SLC25A21: variants seen among roughly 807,000 people sequenced by gnomAD.
The protein encoded by SLC25A21 is solute carrier family 25 member 21.
A neutral mutation model predicts 43.8 loss-of-function variants in SLC25A21; 47 were observed. The observed-to-expected ratio is 1.07, with a 90% CI of 0.85 to 1.37. SLC25A21 has a LOEUF of 1.37. Among genes scored for constraint, SLC25A21 ranks in the 40% most tolerant of loss-of-function variants. The pLI is 0.00. For missense variants in SLC25A21, 352 were observed against 350.2 expected (o/e 1.00, Z -0.04); for synonymous variants, 131 against 121.3 (o/e 1.08, Z -0.52).
chr14:37,165,735 C>A (rs1964019530), intron 1 of SLC25A21, among the ~76,000 whole-genome samples: 1 of 152,080 alleles, frequency 6.6e-6, no homozygotes, highest in Non-Finnish European at 1.5e-5. Flanking sequence ...AGGTTGGGTA[C>A]AAAATCCCTG....
At chr14:37,011,999 A>G (rs1218247291) in intron 1 of SLC25A21, among the ~76,000 whole-genome samples, 1 of 152,164 alleles carries the variant, frequency 6.6e-6, no homozygotes, top group South Asian at 2.1e-4. Context: ...AAGAGTTACA[A>G]TATATTGATG....
intron 3 of SLC25A21, among the ~76,000 whole-genome samples, chr14:36,745,541 T>C (rs1259044291): frequency 6.6e-6 from 1 of 152,182 alleles, no homozygotes; most frequent in East Asian, 1.9e-4. Context: ...CCATTCTAAC[T>C]GGCATGAGAT....
chr14:36,726,505 G>C (rs1264960874), intron 5 of SLC25A21, among the ~76,000 whole-genome samples: 2 of 152,082 alleles, frequency 1.3e-5, no homozygotes, highest in Non-Finnish European at 2.9e-5. Flanking sequence ...GAAATGACTA[G>C]GTTATTCTGA....
chr14:36,912,535 C>T (rs1412350301), intron 1 of SLC25A21, among the ~76,000 whole-genome samples: 1 of 152,180 alleles, frequency 6.6e-6, no homozygotes, highest in East Asian at 1.9e-4. Context: ...TATTGAAGAG[C>T]TAGTCTCATT....
At chr14:37,088,689 C>T (rs139046887) in intron 1 of SLC25A21, among the ~76,000 whole-genome samples, 171 of 152,344 alleles carry the variant, frequency 1.1e-3, no homozygotes, top group Non-Finnish European at 8.4e-4. Context: ...AACTGAAGGT[C>T]TCCTTAATAA....
intron 1 of SLC25A21, among the ~76,000 whole-genome samples, chr14:36,880,853 C>T (rs1024271988): frequency 2.0e-5 from 3 of 152,108 alleles, no homozygotes; most frequent in African/African-American, 7.2e-5. Context: ...CAATCAGCAT[C>T]TAATAGACTG....
chr14:37,136,541 C>G (rs926370990), intron 1 of SLC25A21, among the ~76,000 whole-genome samples: 1 of 152,030 alleles, frequency 6.6e-6, no homozygotes, highest in African/African-American at 2.4e-5. Flanking sequence ...AAATCATACT[C>G]CCAGGTATTC....
chr14:37,086,038 G>C (rs566909331), intron 1 of SLC25A21, among the ~76,000 whole-genome samples: 23 of 152,124 alleles, frequency 1.5e-4, no homozygotes, highest in Admixed American at 5.9e-4. Flanking sequence ...CCAGGAGGCG[G>C]AGCTTGCAGT....
intron 1 of SLC25A21, among the ~76,000 whole-genome samples, chr14:36,936,154 T>A (rs952119293): frequency 6.6e-6 from 1 of 152,270 alleles, no homozygotes; most frequent in African/African-American, 2.4e-5. Flanking sequence ...GAAACTTGCA[T>A]CTGCATTTCT....
intron 2 of SLC25A21, among the ~76,000 whole-genome samples, chr14:36,835,127 G>C (rs991255724): frequency 6.6e-6 from 1 of 152,192 alleles, no homozygotes; most frequent in Non-Finnish European, 1.5e-5. Context: ...ATTATTTCTA[G>C]ACTGAGCAGA....
chr14:36,875,389 A>G (rs1890491131), intron 1 of SLC25A21, among the ~76,000 whole-genome samples: 1 of 152,154 alleles, frequency 6.6e-6, no homozygotes, highest in Admixed American at 6.5e-5. Context: ...GGCTCTTTGA[A>G]TCTCTCCCAG....
At chr14:36,785,358 A>G (rs1212036275) in intron 3 of SLC25A21, among the ~76,000 whole-genome samples, 2 of 152,210 alleles carry the variant, frequency 1.3e-5, no homozygotes. Flanking sequence ...TGATGAATTC[A>G]TTGCCATGCA....
intron 1 of SLC25A21, among the ~76,000 whole-genome samples, chr14:37,033,566 G>A (rs757254308): frequency 1.3e-5 from 2 of 152,152 alleles, no homozygotes; most frequent in Non-Finnish European, 2.9e-5. Context: ...AAGAAACTTA[G>A]CACACCTAGT....
intron 2 of SLC25A21, among the ~76,000 whole-genome samples, chr14:36,848,001 G>A (rs1889600627): frequency 1.3e-5 from 2 of 152,150 alleles, no homozygotes; most frequent in Admixed American, 6.5e-5. Flanking sequence ...AGGGCAGTGG[G>A]GATGAGAAGG....
chr14:36,829,088 G>A (rs1361533000), intron 2 of SLC25A21, among the ~76,000 whole-genome samples: 1 of 151,888 alleles, frequency 6.6e-6, no homozygotes, highest in Non-Finnish European at 1.5e-5. Context: ...AGTAGAGATG[G>A]GGTTTTACCA....
At chr14:37,052,421 G>T (rs1961728646) in intron 1 of SLC25A21, among the ~76,000 whole-genome samples, 1 of 152,184 alleles carries the variant, frequency 6.6e-6, no homozygotes, top group Non-Finnish European at 1.5e-5. Context: ...AAGGGGCATA[G>T]AAATTGATGA....
intron 3 of SLC25A21, among the ~76,000 whole-genome samples, chr14:36,744,879 G>C (rs1020986004): frequency 3.3e-5 from 5 of 151,318 alleles, no homozygotes. Context: ...TTTTATTATA[G>C]TTTAAGTTCT....
intron 3 of SLC25A21, among the ~76,000 whole-genome samples, chr14:36,794,351 G>A (rs1171119145): frequency 6.6e-6 from 1 of 152,100 alleles, no homozygotes; most frequent in African/African-American, 2.4e-5. Flanking sequence ...GAATTTCAAT[G>A]AGTCTTTTAA....
intron 3 of SLC25A21, among the ~76,000 whole-genome samples, chr14:36,810,215 A>G (rs1038981794): frequency 6.6e-6 from 1 of 152,200 alleles, no homozygotes; most frequent in Non-Finnish European, 1.5e-5. Flanking sequence ...TTATACATAC[A>G]GTATAGAAAA....
Sources: gnomAD v4.1 joint callset for allele counts (sites outside exome capture counted in the v4.1 genomes callset) on GRCh38, gnomAD v4.1.1 for gene constraint, MANE v1.5 for transcripts, NCBI Gene and HGNC (gene_info 2026-07-23, HGNC 2026-07-21) for gene names.